Variants in HEATR4 observed in about 807,000 individuals in gnomAD.
HEATR4 encodes the protein HEAT repeat containing 4, also known as HEAT repeat-containing protein 4.
HEATR4 carries 95 observed loss-of-function variants against 108.8 expected under a neutral mutation model. The ratio of observed to expected loss-of-function variants is 0.87; its 90% CI spans 0.74 to 1.04. HEATR4 has a LOEUF of 1.04. Among genes scored for constraint, HEATR4 ranks in the 50% least tolerant of loss-of-function variants. HEATR4 has a pLI of 0.00. For missense variants in HEATR4, 1,152 were observed against 1,253.8 expected, an observed-to-expected ratio of 0.92 and a Z score of 1.23; for synonymous variants, 443 against 459.4, an observed-to-expected ratio of 0.96 and a Z score of 0.46.
chr14:73,575,495 A>G, the HEATR4 span: 4 of 1,507,796 alleles, frequency 2.7e-6, no homozygotes, highest in South Asian at 4.0e-5. Flanking sequence ...ACGAGGGGAC[A>G]ATCCCATCAA....
the HEATR4 span, among the ~76,000 whole-genome samples, chr14:73,566,851 G>A: frequency 6.6e-6 from 1 of 152,164 alleles, no homozygotes; most frequent in Middle Eastern, 3.2e-3. Flanking sequence ...AGGAAGTGCT[G>A]TGAGGGCTGC....
chr14:73,602,032 C>T, the HEATR4 span, among the ~76,000 whole-genome samples: 1 of 151,780 alleles, frequency 6.6e-6, no homozygotes, highest in African/African-American at 2.4e-5. Context: ...CCTCCACCTC[C>T]TGAGTTCAAG....
upstream of HEATR4, among the ~76,000 whole-genome samples, chr14:73,563,519 CG>C (rs1889560151): frequency 6.6e-6 from 1 of 151,950 alleles, no homozygotes; most frequent in Non-Finnish European, 1.5e-5. Flanking sequence ...CACTTGAACC[CG>C]GGAGGTGGAG....
rs59208614 is a variant in HEATR4 at position 73,530,794 on chromosome 14, AT to A, written c.-151-551del. ...CACATAGCACACCACTCTCGGTTAA[AT>A]TTTTTTTTTTTTTTTTTTTTTTTTG... On this transcript the variant is annotated intron_variant, in intron 1 of 17. Coordinates refer to ENST00000553558, the MANE Select transcript of HEATR4 (RefSeq NM_001220484.1). Among the ~76,000 whole-genome samples the A allele has an allele frequency of 1.9e-3, 111 of 57,768 alleles. 3 individuals are homozygous for A. Among genetic ancestry groups the A allele is most frequent in the Admixed American group, 3.0e-3 (13 of 4,292 alleles). 37.9% of individuals were successfully genotyped at this position (57,768 alleles called of 152,430 possible).
the HEATR4 span, among the ~76,000 whole-genome samples, chr14:73,618,956 C>G: frequency 6.6e-6 from 1 of 152,046 alleles, no homozygotes; most frequent in East Asian, 1.9e-4. Flanking sequence ...ATGGTGAAAC[C>G]CTGTCTCTAC....
intron 1 of HEATR4, among the ~76,000 whole-genome samples, chr14:73,554,974 A>G (rs1253289422): frequency 4.4e-5 from 5 of 114,292 alleles, no homozygotes; most frequent in Non-Finnish European, 9.6e-5. Flanking sequence ...TATGAAGAAT[A>G]AATGTTTCAA....
intron 17 of HEATR4, chr14:73,491,183 C>G: frequency 3.1e-6 from 5 of 1,598,760 alleles, no homozygotes; most frequent in Non-Finnish European, 4.3e-6. Flanking sequence ...GCTGAGGACG[C>G]AGACGCTGCC....
At chr14:73,484,146 C>T (rs1386406290) in intron 17 of HEATR4, among the ~76,000 whole-genome samples, 1 of 151,914 alleles carries the variant, frequency 6.6e-6, no homozygotes, top group Admixed American at 6.6e-5. Flanking sequence ...CGTGAGCCAT[C>T]ATGCCTGGCC....
the HEATR4 span, among the ~76,000 whole-genome samples, chr14:73,625,135 T>C: frequency 6.6e-6 from 1 of 151,170 alleles, no homozygotes. Flanking sequence ...CTCGGCTCAC[T>C]GCAACCTCCG....
At chr14:73,502,706 C>A (rs1392920210) in intron 11 of HEATR4, among the ~76,000 whole-genome samples, 189 bp downstream of exon 11, 4 of 152,116 alleles carry the variant, frequency 2.6e-5, no homozygotes, top group Non-Finnish European at 5.9e-5. Context: ...TGCCACCACG[C>A]CTGGCTAATT....
chr14:73,592,166 C>T, the HEATR4 span: 9 of 1,602,452 alleles, frequency 5.6e-6, no homozygotes, highest in South Asian at 1.1e-5. Context: ...CCGCGCTGGG[C>T]GGCAGCTTCG....
chr14:73,537,864 T>G lies in HEATR4; in HGVS notation c.-151-7620A>C, dbSNP rs756298246. 13 of 1,199,580 alleles carry G rather than the reference T, an allele frequency of 1.1e-5. 2 individuals are homozygous for G. Among genetic ancestry groups the G allele is most frequent in the Admixed American group, 2.9e-5 (1 of 34,342 alleles). The allele number at this position is 1,199,580 out of a possible 1,614,324, so 74.3% of individuals were successfully genotyped here. A position where few individuals can be genotyped will look rare whatever the true frequency, so the allele number is the denominator to read the frequency against. The stretch of plus-strand genomic sequence containing the variant: ...CGCGCGGGCCGGGTGCGAGGCACGC[T>G]CTTCCTGCCGCCAGGTGACTCACCT... On this transcript the variant is annotated intron_variant, in intron 1 of 17. Coordinates refer to ENST00000553558, the MANE Select transcript of HEATR4 (RefSeq NM_001220484.1).
the HEATR4 span, chr14:73,591,905 C>T: frequency 4.7e-5 from 62 of 1,321,836 alleles, no homozygotes; most frequent in Non-Finnish European, 5.5e-5. Flanking sequence ...GCGCTTGCCA[C>T]GATCTTGGAC....
the HEATR4 span, chr14:73,619,910 TTCTTTTC>T: frequency 1.4e-6 from 2 of 1,459,276 alleles, no homozygotes; most frequent in Non-Finnish European, 1.8e-6. Flanking sequence ...TTTTCTTTCT[TTCTTTTC>T]TCTTTTTTTT....
At chr14:73,479,419 T>TTCTCTC (rs1555386802) in intron 17 of HEATR4, among the ~76,000 whole-genome samples, 15 of 105,160 alleles carry the variant, frequency 1.4e-4, no homozygotes, top group African/African-American at 5.9e-4. Flanking sequence ...CGGCGTTTTT[T>TTCTCTC]TTTCTTTCTT....
chr14:73,620,304 C>A, the HEATR4 span, among the ~76,000 whole-genome samples: 1 of 152,212 alleles, frequency 6.6e-6, no homozygotes, highest in Non-Finnish European at 1.5e-5. Flanking sequence ...GATTCTCAAC[C>A]TTTGCAACCT....
chr14:73,536,157 C>G (rs978904474), intron 1 of HEATR4, among the ~76,000 whole-genome samples: 1 of 114,254 alleles, frequency 8.8e-6, no homozygotes, highest in African/African-American at 2.8e-5. Flanking sequence ...AAAGGCTTAC[C>G]TTGAGGACAG....
chr14:73,515,292 T>C (rs1887526460), intron 5 of HEATR4, among the ~76,000 whole-genome samples: 1 of 152,186 alleles, frequency 6.6e-6, no homozygotes, highest in Non-Finnish European at 1.5e-5. Flanking sequence ...TTTTCCAAGA[T>C]TTCATTCTGA....
At chr14:73,631,310 G>A in the HEATR4 span, among the ~76,000 whole-genome samples, 1 of 152,004 alleles carries the variant, frequency 6.6e-6, no homozygotes, top group South Asian at 2.1e-4. Flanking sequence ...TAGAGACCAG[G>A]TCTTGCTCTG....
Sources: allele counts gnomAD v4.1 joint callset (sites outside exome capture counted in the v4.1 genomes callset), GRCh38; gene constraint gnomAD v4.1.1; transcripts MANE v1.5; gene names NCBI Gene and HGNC (gene_info 2026-07-23, HGNC 2026-07-21).